The following MICU1 variants were observed in gnomAD, a reference collection of about 807,000 sequenced individuals.
MICU1 encodes the protein calcium uptake protein 1, mitochondrial.
A neutral mutation model predicts 56.8 loss-of-function variants in MICU1; 45 were observed. The observed-to-expected ratio is 0.79, with a 90% CI of 0.62 to 1.02. The LOEUF is 1.02. Ranked by LOEUF, MICU1 falls within the 50% of genes least tolerant of loss-of-function variation. The pLI, the probability that MICU1 is intolerant of heterozygous loss-of-function variation, is 0.00. For missense variants in MICU1, 504 were observed against 587.1 expected (o/e 0.86, Z 1.46); for synonymous variants, 186 against 195.1 (o/e 0.95, Z 0.39).
chr10:72,590,960 G>C (rs1239588051), intron 1 of MICU1, among the ~76,000 whole-genome samples: 1 of 151,458 alleles, frequency 6.6e-6, no homozygotes, highest in East Asian at 1.9e-4. Flanking sequence ...AGGGTACGTG[G>C]AACATTTACC....
At chr10:72,610,865 T>C (rs1424365119) in intron 1 of MICU1, among the ~76,000 whole-genome samples, 1 of 152,132 alleles carries the variant, frequency 6.6e-6, no homozygotes, top group Non-Finnish European at 1.5e-5. Flanking sequence ...TAGTACAACA[T>C]GATACATTAC....
chr10:72,397,713 A>G (rs1863314849), intron 10 of MICU1, among the ~76,000 whole-genome samples: 1 of 152,240 alleles, frequency 6.6e-6, no homozygotes, highest in African/African-American at 2.4e-5. Flanking sequence ...TAAAGGGATC[A>G]ATTCAACAAG....
At chr10:72,625,435 G>T (rs1380813719) in intron 1 of MICU1, among the ~76,000 whole-genome samples, 2 of 152,114 alleles carry the variant, frequency 1.3e-5, no homozygotes, top group Non-Finnish European at 1.5e-5. Context: ...GCCTATGGCC[G>T]GCCAGAATGC....
In MICU1 at chr10:72,561,623, C is replaced by T. The variant is rs1429735761; in HGVS notation, c.330+1272G>A. On this transcript the variant is annotated intron_variant, in intron 3 of 11. Transcript: ENST00000361114. ...AGTCAGGAGTTCGAGGCCAGCCTAG[C>T]CAACATGGTGAAACTCCATCTCTCC... 2.0e-5 allele frequency among the ~76,000 whole-genome samples: 3 copies of T among 152,188 alleles called. No individual in the cohort carries two copies. In the East Asian group the frequency reaches 5.8e-4, roughly 29 times the overall value.
chr10:72,498,562 G>T (rs921366145), intron 6 of MICU1, among the ~76,000 whole-genome samples: 1 of 151,986 alleles, frequency 6.6e-6, no homozygotes, highest in Non-Finnish European at 1.5e-5. Flanking sequence ...CTCCAGCCTC[G>T]GTGACAGAAT....
chr10:72,571,132 G>A (rs1409805357), intron 1 of MICU1, among the ~76,000 whole-genome samples: 4 of 152,198 alleles, frequency 2.6e-5, no homozygotes, highest in East Asian at 1.9e-4. Flanking sequence ...GGGAGGCCAC[G>A]GCGGGCAAAT....
intron 11 of MICU1, among the ~76,000 whole-genome samples, chr10:72,371,238 A>T (rs1589144946): frequency 1.3e-5 from 2 of 149,744 alleles, no homozygotes; most frequent in South Asian, 4.3e-4. Flanking sequence ...ACAAAAAAAA[A>T]TAGCTGGGCG....
At chr10:72,527,268 C>T (rs1382883382) in intron 5 of MICU1, among the ~76,000 whole-genome samples, 1 of 152,006 alleles carries the variant, frequency 6.6e-6, no homozygotes, top group African/African-American at 2.4e-5. Context: ...ATTAGACATT[C>T]AGAAGGTGGT....
At chr10:72,491,546 T>C (rs1483945003) in intron 6 of MICU1, among the ~76,000 whole-genome samples, 2 of 152,162 alleles carry the variant, frequency 1.3e-5, no homozygotes, top group Non-Finnish European at 2.9e-5. Context: ...TCTAGGGGCC[T>C]TAGAGAGTTA....
chr10:72,563,131 G>T, intron 2 of MICU1, 68 bp from the exon 3 acceptor site: 1 of 1,215,174 alleles, frequency 8.2e-7, no homozygotes, highest in Non-Finnish European at 1.1e-6. Flanking sequence ...TAAGCAAACA[G>T]ATACAGCTTA....
intron 4 of MICU1, among the ~76,000 whole-genome samples, chr10:72,550,935 T>A (rs1840020155): frequency 6.6e-6 from 1 of 152,196 alleles, no homozygotes; most frequent in South Asian, 2.1e-4. Context: ...TAATTACAGG[T>A]AGTGAATCTC....
chr10:72,600,648 CAAAA>C (rs71021514), intron 1 of MICU1, among the ~76,000 whole-genome samples: 1 of 105,594 alleles, frequency 9.5e-6, no homozygotes, highest in Non-Finnish European at 1.8e-5. Flanking sequence ...GACTCCGTCT[CAAAA>C]AAAAAAAAAA....
chr10:72,443,137 T>C (rs1864993753), intron 8 of MICU1, among the ~76,000 whole-genome samples: 1 of 152,216 alleles, frequency 6.6e-6, no homozygotes, highest in Non-Finnish European at 1.5e-5. Flanking sequence ...GTGAGCATTT[T>C]TCATGTGTTT....
chr10:72,411,336 T>C (rs1364540073), intron 9 of MICU1, among the ~76,000 whole-genome samples: 1 of 151,392 alleles, frequency 6.6e-6, no homozygotes, highest in Non-Finnish European at 1.5e-5. Context: ...CTTTTCTTTT[T>C]TTTTTTTTTG....
intron 10 of MICU1, among the ~76,000 whole-genome samples, chr10:72,383,332 C>T (rs944264601): frequency 2.0e-5 from 3 of 152,068 alleles, no homozygotes; most frequent in Non-Finnish European, 4.4e-5. Flanking sequence ...TGAAGTCTCT[C>T]TCCCAACCTT....
intron 5 of MICU1, among the ~76,000 whole-genome samples, chr10:72,530,109 C>T (rs992364274): frequency 1.3e-5 from 2 of 151,142 alleles, no homozygotes; most frequent in Middle Eastern, 6.8e-3. Context: ...GGGCAGATTA[C>T]CTGAGGTCAG....
At chr10:72,382,060 A>T (rs1212082667) in intron 10 of MICU1, among the ~76,000 whole-genome samples, 1 of 152,012 alleles carries the variant, frequency 6.6e-6, no homozygotes, top group East Asian at 1.9e-4. Flanking sequence ...TAATACACAC[A>T]TATGGGAAAT....
At chr10:72,455,453 G>A (rs1328336386) in intron 8 of MICU1, among the ~76,000 whole-genome samples, 1 of 151,512 alleles carries the variant, frequency 6.6e-6, no homozygotes, top group Non-Finnish European at 1.5e-5. Context: ...CATTATTCAG[G>A]TGTTTTTATA....
intron 5 of MICU1, among the ~76,000 whole-genome samples, chr10:72,530,272 G>A (rs1839439475): frequency 6.6e-6 from 1 of 150,462 alleles, no homozygotes; most frequent in South Asian, 2.1e-4. Flanking sequence ...GGCAGAGGTT[G>A]CAGTGGGCCG....
Sources: allele counts gnomAD v4.1 joint callset (sites outside exome capture counted in the v4.1 genomes callset), GRCh38; gene constraint gnomAD v4.1.1; transcripts MANE v1.5; gene names NCBI Gene and HGNC (gene_info 2026-07-23, HGNC 2026-07-21).